The following SCHIP1 variants were observed in gnomAD, a reference collection of about 807,000 sequenced individuals.
The protein encoded by SCHIP1 is schwannomin-interacting protein 1.
Under a neutral mutation model 29.7 loss-of-function variants are expected in SCHIP1, and 8 were observed. The ratio of observed to expected loss-of-function variants is 0.27; its 90% CI spans 0.16 to 0.49. The LOEUF (loss-of-function observed/expected upper bound fraction) is 0.49. SCHIP1 is among the 20% of genes least tolerant of loss of function. The pLI is 0.99. For synonymous variants in SCHIP1, 76 were observed against 94.9 expected (o/e 0.80, Z 1.16); for missense variants, 193 against 294.6 (o/e 0.66, Z 2.52).
chr3:159,505,518 A>C, the SCHIP1 span, among the ~76,000 whole-genome samples: 1 of 152,206 alleles, frequency 6.6e-6, no homozygotes, highest in Non-Finnish European at 1.5e-5. Flanking sequence ...ACACGTGCAC[A>C]ACGTGCAGGT....
the SCHIP1 span, among the ~76,000 whole-genome samples, chr3:159,541,106 TAA>T: frequency 6.6e-6 from 1 of 152,014 alleles, no homozygotes; most frequent in Non-Finnish European, 1.5e-5. Context: ...AGCTGAGTAA[TAA>T]AGACACTCAA....
At chr3:159,514,923 C>A in the SCHIP1 span, among the ~76,000 whole-genome samples, 11 of 152,170 alleles carry the variant, frequency 7.2e-5, no homozygotes, top group African/African-American at 1.9e-4. Flanking sequence ...ACAGCCTTAA[C>A]CTTTCATTGC....
chr3:159,508,252 G>C, the SCHIP1 span, among the ~76,000 whole-genome samples: 1 of 152,128 alleles, frequency 6.6e-6, no homozygotes, highest in South Asian at 2.1e-4. Context: ...GTTTATTTGC[G>C]TAGAGATGTT....
At chr3:159,839,417 G>C (rs1743994011), upstream of SCHIP1, among the ~76,000 whole-genome samples, 2 of 151,688 alleles carry the variant, frequency 1.3e-5, no homozygotes, top group Admixed American at 1.3e-4. Flanking sequence ...ATTTCTATTT[G>C]ACTTAAAAAG....
chr3:159,283,584 G>A, the SCHIP1 span, among the ~76,000 whole-genome samples: 3 of 151,828 alleles, frequency 2.0e-5, no homozygotes, highest in Non-Finnish European at 4.4e-5. Flanking sequence ...CGATCTTGGC[G>A]TGAGCCACCG....
At chr3:159,282,517 A>G in the SCHIP1 span, 1 of 151,524 alleles carries the variant, frequency 6.6e-6, no homozygotes, top group Middle Eastern at 3.2e-3. Context: ...TATCCCATTC[A>G]CCTATATATT....
the SCHIP1 span, among the ~76,000 whole-genome samples, chr3:159,411,874 A>G: frequency 6.6e-6 from 1 of 152,330 alleles, no homozygotes; most frequent in East Asian, 1.9e-4. Flanking sequence ...ATATTGTGAT[A>G]TATTTTATTA....
At chr3:159,284,474 C>T in the SCHIP1 span, among the ~76,000 whole-genome samples, 53 of 151,772 alleles carry the variant, frequency 3.5e-4, no homozygotes, top group African/African-American at 1.2e-3. Context: ...TTTAGTTTGC[C>T]TGTTAACTTT....
chr3:159,677,117 G>A, the SCHIP1 span, among the ~76,000 whole-genome samples: 2 of 152,070 alleles, frequency 1.3e-5, no homozygotes, highest in Non-Finnish European at 2.9e-5. Context: ...GGGCCAAAAG[G>A]TCTTGCCCAC....
At chr3:159,339,206 A>G in the SCHIP1 span, among the ~76,000 whole-genome samples, 1 of 151,654 alleles carries the variant, frequency 6.6e-6, no homozygotes, top group African/African-American at 2.4e-5. Flanking sequence ...GGCCTTTGAC[A>G]TGTTCAAATG....
chr3:159,356,131 T>C, the SCHIP1 span, among the ~76,000 whole-genome samples: 1 of 151,940 alleles, frequency 6.6e-6, no homozygotes, highest in Admixed American at 6.6e-5. Flanking sequence ...GTGGGTGCAG[T>C]GCACCAGCAT....
chr3:159,607,155 G>T, the SCHIP1 span, among the ~76,000 whole-genome samples: 1 of 152,134 alleles, frequency 6.6e-6, no homozygotes, highest in Non-Finnish European at 1.5e-5. Flanking sequence ...CTATTGAAGA[G>T]TTCAGTGCTG....
the SCHIP1 span, among the ~76,000 whole-genome samples, chr3:159,315,588 A>G: frequency 5.9e-5 from 9 of 151,940 alleles, no homozygotes; most frequent in Non-Finnish European, 8.8e-5. Context: ...TTCTAAAGTA[A>G]TGTCTATATA....
At chr3:159,312,530 A>T in the SCHIP1 span, among the ~76,000 whole-genome samples, 1 of 152,152 alleles carries the variant, frequency 6.6e-6, no homozygotes, top group Non-Finnish European at 1.5e-5. Flanking sequence ...TCATTATCCC[A>T]TCTAACTGCA....
chr3:159,828,379 A>ATATATG, the SCHIP1 span, among the ~76,000 whole-genome samples: 122 of 81,880 alleles, frequency 1.5e-3, 13 homozygotes, highest in African/African-American at 5.4e-3. Context: ...ATATATACAT[A>ATATATG]TATATATACA....
the SCHIP1 span, among the ~76,000 whole-genome samples, chr3:159,473,461 T>G: frequency 1.3e-5 from 2 of 152,078 alleles, no homozygotes; most frequent in East Asian, 3.9e-4. Flanking sequence ...AAAGAAATCA[T>G]AAAGAATTAC....
chr3:159,784,207 G>T, the SCHIP1 span, among the ~76,000 whole-genome samples: 327 of 152,322 alleles, frequency 2.1e-3, no homozygotes, highest in African/African-American at 6.9e-3. Flanking sequence ...GTCAAATATG[G>T]TTTGCACCTT....
the SCHIP1 span, among the ~76,000 whole-genome samples, chr3:159,428,387 A>AC: frequency 2.4e-4 from 36 of 151,848 alleles, no homozygotes; most frequent in South Asian, 2.1e-3. Context: ...TGGGCAAAGG[A>AC]CATGAACAGA....
At chr3:159,474,183 C>T in the SCHIP1 span, among the ~76,000 whole-genome samples, 1 of 151,992 alleles carries the variant, frequency 6.6e-6, no homozygotes, top group East Asian at 1.9e-4. Flanking sequence ...CCAAAATATC[C>T]CAGCTTATAA....
Sources: gnomAD v4.1 joint callset for allele counts (sites outside exome capture counted in the v4.1 genomes callset) on GRCh38, gnomAD v4.1.1 for gene constraint, MANE v1.5 for transcripts, NCBI Gene and HGNC (gene_info 2026-07-23, HGNC 2026-07-21) for gene names.